GALNT13: variants seen among roughly 807,000 people sequenced by gnomAD.
The protein encoded by GALNT13 is UDP-GalNAc:polypeptide N-acetylgalactosaminyltransferase 13.
In GALNT13, 28 loss-of-function variants were observed where a neutral mutation model predicts 64.2. That is an observed-to-expected ratio of 0.44 (90% CI 0.32 to 0.60). The LOEUF (loss-of-function observed/expected upper bound fraction) is 0.60, where lower values mean the gene tolerates loss of function less well. Ranked by LOEUF, GALNT13 falls within the 20% of genes least tolerant of loss-of-function variation. The pLI is 0.05. For missense variants in GALNT13, 577 were observed against 669.8 expected, an observed-to-expected ratio of 0.86 and a Z score of 1.53; for synonymous variants, 214 against 224.6, an observed-to-expected ratio of 0.95 and a Z score of 0.42.
At chr2:153,246,907 C>T in the GALNT13 span, among the ~76,000 whole-genome samples, 1 of 152,176 alleles carries the variant, frequency 6.6e-6, no homozygotes, top group East Asian at 1.9e-4. Context: ...AGACCCATCT[C>T]ACATGCAAAG....
At chr2:153,839,352 A>G in the GALNT13 span, among the ~76,000 whole-genome samples, 1 of 151,940 alleles carries the variant, frequency 6.6e-6, no homozygotes, top group Non-Finnish European at 1.5e-5. Context: ...TTAGAGGAAA[A>G]GTATTCAGGT....
chr2:153,804,064 A>G, the GALNT13 span, among the ~76,000 whole-genome samples: 2 of 152,344 alleles, frequency 1.3e-5, 1 homozygote, highest in African/African-American at 4.8e-5. Context: ...CAATGAAATG[A>G]CATTAACAGA....
chr2:154,409,087 A>T lies in GALNT13; in HGVS notation c.1395+5A>T. 5 of 1,559,506 alleles carry T rather than the reference A, an allele frequency of 3.2e-6. No individual in the cohort carries two copies. Among genetic ancestry groups the T allele is most frequent in the Non-Finnish European group, 4.4e-6 (5 of 1,130,906 alleles). On this transcript the variant is annotated splice_donor_5th_base_variant and intron_variant, in intron 11 of 12. Transcript: ENST00000392825. ...CATGGTATGGGAGGAAATCAGGTAA[A>T]CTCTCCCTTTTTATCAGCTTCATGT...
At chr2:154,371,586 A>C (rs114980014) in intron 9 of GALNT13, among the ~76,000 whole-genome samples, 4,928 of 152,148 alleles carry the variant, frequency 0.032, 267 homozygotes, top group African/African-American at 0.11. Flanking sequence ...CAATAGCAAA[A>C]GGAAATTTCT....
At chr2:153,596,339 C>T in the GALNT13 span, among the ~76,000 whole-genome samples, 1 of 152,082 alleles carries the variant, frequency 6.6e-6, no homozygotes, top group African/African-American at 2.4e-5. Flanking sequence ...ACAAAAACTC[C>T]ACTTCTTAAT....
intron 4 of GALNT13, among the ~76,000 whole-genome samples, chr2:154,227,138 T>G (rs1181145793): frequency 6.6e-6 from 1 of 152,092 alleles, no homozygotes; most frequent in Non-Finnish European, 1.5e-5. Context: ...AGTACATTCA[T>G]GCAGAGTGAT....
rs1193826551 is a variant in GALNT13 at position 154,451,985 on chromosome 2, A to G, written c.*1434A>G. 1 of 152,134 alleles carries G rather than the reference A, an allele frequency of 6.6e-6. No individual in the cohort carries two copies. The highest frequency in any genetic ancestry group is 2.4e-5 in the African/African-American group (1 of 41,448). 9.4% of individuals were successfully genotyped at this position (152,134 alleles called of 1,614,324 possible). A position where few individuals can be genotyped will look rare whatever the true frequency, so the allele number is the denominator to read the frequency against. ...GGATTAATCATTTTGACTGCATACA[A>G]ACTATGTCTCTGACATGCACATACA... is the stretch of plus-strand genomic sequence containing the variant. On this transcript the variant is annotated 3_prime_UTR_variant, in exon 13 of 13. Coordinates refer to ENST00000392825, the MANE Select transcript of GALNT13 (RefSeq NM_052917.4).
intron 3 of GALNT13, among the ~76,000 whole-genome samples, chr2:154,030,046 T>C (rs771594712): frequency 6.6e-6 from 1 of 152,138 alleles, no homozygotes; most frequent in Non-Finnish European, 1.5e-5. Flanking sequence ...CTTAAATATG[T>C]GTACTTGTAA....
At chr2:154,155,881 A>G (rs74824420) in intron 4 of GALNT13, among the ~76,000 whole-genome samples, 2,431 of 151,314 alleles carry the variant, frequency 0.016, 61 homozygotes, top group African/African-American at 0.056. Context: ...CTTGAAATAA[A>G]TGGAGCATAT....
At chr2:153,756,588 T>C in the GALNT13 span, among the ~76,000 whole-genome samples, 1 of 152,106 alleles carries the variant, frequency 6.6e-6, no homozygotes, top group African/African-American at 2.4e-5. Context: ...TTGCCTCAAA[T>C]ACCTTATTTT....
chr2:153,293,570 C>G, the GALNT13 span, among the ~76,000 whole-genome samples: 1 of 152,148 alleles, frequency 6.6e-6, no homozygotes, highest in South Asian at 2.1e-4. Flanking sequence ...TTAGCTCAGT[C>G]AAACCCGTTT....
chr2:153,496,909 G>A, the GALNT13 span, among the ~76,000 whole-genome samples: 14 of 148,352 alleles, frequency 9.4e-5, no homozygotes, highest in Admixed American at 2.1e-4. Flanking sequence ...CAGGAGAATC[G>A]CTTGAACCCC....
chr2:153,496,011 G>A, the GALNT13 span, among the ~76,000 whole-genome samples: 2 of 152,174 alleles, frequency 1.3e-5, no homozygotes, highest in East Asian at 1.9e-4. Flanking sequence ...GAAACCAAAG[G>A]TTATAGCCCT....
the GALNT13 span, among the ~76,000 whole-genome samples, chr2:153,244,024 T>C: frequency 6.9e-6 from 1 of 145,662 alleles, no homozygotes; most frequent in Non-Finnish European, 1.5e-5. Flanking sequence ...ACATGAAATT[T>C]GGTTTTCCCT....
At chr2:154,017,151 A>G (rs1558909915) in intron 3 of GALNT13, among the ~76,000 whole-genome samples, 1 of 152,210 alleles carries the variant, frequency 6.6e-6, no homozygotes, top group Non-Finnish European at 1.5e-5. Flanking sequence ...GAGATGAGAA[A>G]TGCAGACTTC....
At chr2:153,358,943 C>CA in the GALNT13 span, among the ~76,000 whole-genome samples, 2 of 151,974 alleles carry the variant, frequency 1.3e-5, no homozygotes, top group South Asian at 4.1e-4. Flanking sequence ...ATAAATAATA[C>CA]AAAAAAATAT....
At chr2:153,927,399 G>A (rs951638481) in intron 2 of GALNT13, among the ~76,000 whole-genome samples, 2 of 151,838 alleles carry the variant, frequency 1.3e-5, no homozygotes, top group Middle Eastern at 6.3e-3. Context: ...TACACATAAT[G>A]GTAATCTCTG....
chr2:153,148,440 T>G, the GALNT13 span, among the ~76,000 whole-genome samples: 4 of 151,178 alleles, frequency 2.6e-5, no homozygotes, highest in South Asian at 6.2e-4. Context: ...AGAGGCATAA[T>G]GAGAAAAAAA....
the GALNT13 span, among the ~76,000 whole-genome samples, chr2:153,153,867 T>G: frequency 6.6e-6 from 1 of 152,042 alleles, no homozygotes. Flanking sequence ...CTTAGGATTA[T>G]CTTGGTTATT....
Sources: allele counts gnomAD v4.1 joint callset (sites outside exome capture counted in the v4.1 genomes callset), GRCh38; gene constraint gnomAD v4.1.1; transcripts MANE v1.5; gene names NCBI Gene and HGNC (gene_info 2026-07-23, HGNC 2026-07-21).